The following SOX5 variants were observed in gnomAD, a reference collection of about 807,000 sequenced individuals.
SOX5 encodes the protein SRY-box transcription factor 5, also known as transcription factor SOX-5.
Under a neutral mutation model 92.0 loss-of-function variants are expected in SOX5, and 9 were observed. The observed-to-expected ratio is 0.10, with a 90% CI of 0.06 to 0.17. SOX5 has a LOEUF of 0.17. Among genes scored for constraint, SOX5 ranks in the 10% least tolerant of loss-of-function variants. The pLI is 1.00. For missense variants in SOX5, 642 were observed against 944.5 expected, an observed-to-expected ratio of 0.68 and a Z score of 4.20; for synonymous variants, 344 against 336.3, an observed-to-expected ratio of 1.02 and a Z score of -0.25.
intron 8 of SOX5, among the ~76,000 whole-genome samples, chr12:23,616,437 G>T (rs1262396523): frequency 1.3e-5 from 2 of 152,210 alleles, no homozygotes; most frequent in East Asian, 3.9e-4. Context: ...GGGAAGGGTT[G>T]TCACTTAATT....
At chr12:23,840,581 T>A (rs1044724875) in intron 3 of SOX5, among the ~76,000 whole-genome samples, 2 of 152,090 alleles carry the variant, frequency 1.3e-5, no homozygotes, top group African/African-American at 2.4e-5. Context: ...ACTTCAAGAC[T>A]TATTATCAAG....
At chr12:24,154,086 C>A (rs183788800) in intron 4 of SOX5, among the ~76,000 whole-genome samples, 34 of 152,218 alleles carry the variant, frequency 2.2e-4, no homozygotes, top group Admixed American at 8.5e-4. Flanking sequence ...TCTCTGCAAA[C>A]AGCTTATGAG....
At chr12:23,801,187 G>A (rs996274298) in intron 3 of SOX5, among the ~76,000 whole-genome samples, 4 of 152,110 alleles carry the variant, frequency 2.6e-5, no homozygotes, top group Non-Finnish European at 5.9e-5. Flanking sequence ...AAAATCCAGT[G>A]CATAGGACTT....
intron 6 of SOX5, among the ~76,000 whole-genome samples, chr12:23,679,772 A>T (rs936818183): frequency 6.6e-6 from 1 of 152,230 alleles, no homozygotes; most frequent in Non-Finnish European, 1.5e-5. Flanking sequence ...TCAGCCAAAC[A>T]TTAATACACA....
chr12:24,556,515 T>C (rs1466761289), intron 1 of SOX5, among the ~76,000 whole-genome samples: 1 of 152,220 alleles, frequency 6.6e-6, no homozygotes, highest in East Asian at 1.9e-4. Context: ...TGGATTTCTT[T>C]TTCCACACGG....
intron 3 of SOX5, among the ~76,000 whole-genome samples, chr12:24,269,541 T>A (rs900568913): frequency 6.6e-6 from 1 of 152,200 alleles, no homozygotes; most frequent in East Asian, 1.9e-4. Flanking sequence ...TGACTATTAT[T>A]GATTTGTTGG....
At chr12:23,796,898 T>A (rs1455434849) in intron 3 of SOX5, among the ~76,000 whole-genome samples, 1 of 121,772 alleles carries the variant, frequency 8.2e-6, no homozygotes, top group Non-Finnish European at 1.7e-5. Context: ...TAAATATTTA[T>A]ATATATATTT....
intron 1 of SOX5, among the ~76,000 whole-genome samples, chr12:24,428,726 CAAAAAAAAAAAAAAAAA>C (rs57964050): frequency 2.5e-4 from 8 of 32,592 alleles, no homozygotes; most frequent in Admixed American, 5.8e-4. Context: ...CTCTGTTTCT[CAAAAAAAAAAAAAAAAA>C]AAAAAAAAAA....
chr12:23,730,892 TTACC>T (rs1280882285), intron 6 of SOX5, among the ~76,000 whole-genome samples: 2 of 152,282 alleles, frequency 1.3e-5, no homozygotes, highest in East Asian at 3.9e-4. Flanking sequence ...GGATTGAGGA[TTACC>T]TAGATACCTG....
chr12:24,084,190 T>A (rs1943694911), intron 4 of SOX5, among the ~76,000 whole-genome samples: 2 of 152,060 alleles, frequency 1.3e-5, no homozygotes, highest in Admixed American at 6.6e-5. Context: ...CAATCTAAAA[T>A]ATCCAGGTGA....
intron 13 of SOX5, 126 bp from the exon 14 acceptor site, chr12:23,536,795 T>G: frequency 1.4e-6 from 1 of 714,496 alleles, no homozygotes; most frequent in East Asian, 2.7e-5. Context: ...CATAAACCTG[T>G]TTTTGATTAG....
At chr12:24,453,962 G>C (rs1164216859) in intron 1 of SOX5, among the ~76,000 whole-genome samples, 1 of 152,206 alleles carries the variant, frequency 6.6e-6, no homozygotes, top group African/African-American at 2.4e-5. Flanking sequence ...CAAGAGCAAA[G>C]AGAGTTGCCA....
At chr12:23,794,256 T>C (rs1414127305) in intron 3 of SOX5, among the ~76,000 whole-genome samples, 3 of 123,068 alleles carry the variant, frequency 2.4e-5, no homozygotes, top group East Asian at 3.0e-4. Flanking sequence ...ATTTACCTAA[T>C]ACTTATTTAC....
At chr12:23,534,946 G>T (rs949590099) in intron 14 of SOX5, among the ~76,000 whole-genome samples, 11 of 151,996 alleles carry the variant, frequency 7.2e-5, no homozygotes, top group African/African-American at 2.4e-4. Context: ...CTGACCTCAG[G>T]TGATCCACCT....
At position 24,001,579 on chromosome 12, in the gene SOX5, C is replaced by T. The variant is rs184358394; in HGVS notation, c.-1-105555G>A. 4.6e-5 allele frequency among the ~76,000 whole-genome samples: 7 copies of T among 151,972 alleles called. No homozygotes were observed. In the East Asian group the frequency reaches 5.8e-4, roughly 13 times the overall value. ...GGTGCAATGGCTCATACTTGTAATC[C>T]GAGTACTTTGAGAGGCAAAAGCAAG... is the stretch of plus-strand genomic sequence containing the variant. On this transcript the variant is annotated intron_variant, in intron 4 of 4. Transcript: ENST00000446891.
At chr12:24,088,120 C>T (rs1368349953) in intron 4 of SOX5, among the ~76,000 whole-genome samples, 3 of 151,854 alleles carry the variant, frequency 2.0e-5, no homozygotes, top group Admixed American at 6.6e-5. Flanking sequence ...ATAGATATGT[C>T]TTTTCATTAA....
At chr12:24,083,815 A>G (rs980979304) in intron 4 of SOX5, among the ~76,000 whole-genome samples, 1 of 152,070 alleles carries the variant, frequency 6.6e-6, no homozygotes, top group Non-Finnish European at 1.5e-5. Context: ...TTAGTGGCCC[A>G]CTTTATTTCT....
At chr12:24,367,551 T>C (rs1956294681) in intron 2 of SOX5, among the ~76,000 whole-genome samples, 1 of 152,176 alleles carries the variant, frequency 6.6e-6, no homozygotes, top group Non-Finnish European at 1.5e-5. Context: ...CATAATTTCT[T>C]AGGAAACCAA....
chr12:23,784,111 C>T (rs763341446), intron 3 of SOX5, among the ~76,000 whole-genome samples: 16 of 151,496 alleles, frequency 1.1e-4, no homozygotes, highest in South Asian at 8.3e-4. Context: ...ATTATGATGA[C>T]GAGAAAGGAA....
Sources: allele counts gnomAD v4.1 joint callset (sites outside exome capture counted in the v4.1 genomes callset), GRCh38; gene constraint gnomAD v4.1.1; transcripts MANE v1.5; gene names NCBI Gene and HGNC (gene_info 2026-07-23, HGNC 2026-07-21).